Variants in SWAP70 observed in about 807,000 individuals in gnomAD.
SWAP70 encodes switch-associated protein 70.
SWAP70 carries 34 observed loss-of-function variants against 80.2 expected under a neutral mutation model. That is an observed-to-expected ratio of 0.42 (90% CI 0.32 to 0.56). The LOEUF (loss-of-function observed/expected upper bound fraction) is 0.56. SWAP70 is among the 20% of genes least tolerant of loss of function. The pLI is 0.09. For missense variants in SWAP70, 578 were observed against 690.7 expected (o/e 0.84, Z 1.83); for synonymous variants, 239 against 238.5 (o/e 1.00, Z -0.02).
rs997989567 is a variant in SWAP70, at chr11:9,749,254, T to A, written c.1651+71T>A. ...TTTTTATTTTATTTAATTAATTTATTTATTTTGAGATGGAGTCTCGCTCTG... is the reference window on the plus strand; with the variant it reads ...TTTTTATTTTATTTAATTAATTTATATATTTTGAGATGGAGTCTCGCTCTG... On this transcript the variant is annotated intron_variant, in intron 11 of 11. Coordinates refer to ENST00000318950, the MANE Select transcript of SWAP70 (RefSeq NM_015055.4). The A allele has an allele frequency of 1.1e-5, 10 of 876,678 alleles. No homozygotes were observed. In the East Asian group the frequency reaches 1.6e-4, roughly 14 times the overall value. 54.3% of individuals were successfully genotyped at this position (876,678 alleles called of 1,614,324 possible).
intron 1 of SWAP70, among the ~76,000 whole-genome samples, chr11:9,671,795 A>AT (rs1850411344): frequency 1.6e-5 from 1 of 61,532 alleles, no homozygotes; most frequent in African/African-American, 7.0e-5. Context: ...ATTATTTATA[A>AT]ATATATATAA....
chr11:9,686,848 G>A (rs900606192), intron 1 of SWAP70, among the ~76,000 whole-genome samples: 1 of 152,038 alleles, frequency 6.6e-6, no homozygotes, highest in African/African-American at 2.4e-5. Flanking sequence ...TGTACAATGC[G>A]TAGGTTACCT....
At chr11:9,744,152 C>G (rs1393593033) in intron 9 of SWAP70, among the ~76,000 whole-genome samples, 1 of 151,936 alleles carries the variant, frequency 6.6e-6, no homozygotes. Flanking sequence ...TTAGTAGAGA[C>G]GGGGTTTAAC....
chr11:9,722,869 A>G (rs1851157673), intron 3 of SWAP70, among the ~76,000 whole-genome samples: 1 of 152,240 alleles, frequency 6.6e-6, no homozygotes, highest in African/African-American at 2.4e-5. Flanking sequence ...GGGTTGTAAA[A>G]AAACAAAATC....
chr11:9,722,096 C>G (rs887983105), intron 3 of SWAP70, among the ~76,000 whole-genome samples: 2 of 152,176 alleles, frequency 1.3e-5, no homozygotes, highest in African/African-American at 2.4e-5. Context: ...TAGTATTTCA[C>G]TCAGTGCAGA....
intron 1 of SWAP70, among the ~76,000 whole-genome samples, chr11:9,674,417 A>C (rs900130354): frequency 3.3e-5 from 5 of 152,292 alleles, no homozygotes; most frequent in Non-Finnish European, 7.4e-5. Context: ...AACCCTTGGG[A>C]AGCTGGGTGC....
chr11:9,691,864 G>A (rs79017061), intron 1 of SWAP70, among the ~76,000 whole-genome samples: 2,558 of 152,238 alleles, frequency 0.017, 73 homozygotes, highest in African/African-American at 0.057. Context: ...GAGAGATGGT[G>A]TTTTTTGTTT....
chr11:9,678,927 C>T (rs1850534617), intron 1 of SWAP70, among the ~76,000 whole-genome samples: 1 of 152,088 alleles, frequency 6.6e-6, no homozygotes, highest in Non-Finnish European at 1.5e-5. Flanking sequence ...CTTTTTCTTC[C>T]CCAAGACTGC....
intron 1 of SWAP70, among the ~76,000 whole-genome samples, chr11:9,674,874 C>A (rs1422533592): frequency 2.6e-5 from 4 of 151,394 alleles, no homozygotes; most frequent in African/African-American, 7.3e-5. Flanking sequence ...GAGGCTGAGG[C>A]AGGAGAATGG....
At chr11:9,710,531 G>A (rs553243792) in intron 2 of SWAP70, among the ~76,000 whole-genome samples, 3 of 152,178 alleles carry the variant, frequency 2.0e-5, no homozygotes, top group Non-Finnish European at 4.4e-5. Flanking sequence ...GACAGCTGGT[G>A]ACTTTTTTCA....
chr11:9,715,570 T>TA (rs1456240263), intron 3 of SWAP70, among the ~76,000 whole-genome samples: 4 of 152,184 alleles, frequency 2.6e-5, no homozygotes, highest in African/African-American at 9.7e-5. Context: ...TTAATGAACT[T>TA]ACAGTTCCAC....
chr11:9,737,391 C>T lies in SWAP70; in HGVS notation c.1081-822C>T, dbSNP rs537746911. Among the ~76,000 whole-genome samples the T allele has an allele frequency of 2.0e-5, 3 of 152,278 alleles. 1 individual carries two copies. The highest frequency in any genetic ancestry group is 1.5e-5 in the Non-Finnish European group (1 of 68,012). On this transcript the variant is annotated intron_variant, in intron 7 of 11. Coordinates refer to ENST00000318950, the MANE Select transcript of SWAP70 (RefSeq NM_015055.4). ...TAGATTTTCTTAGATAAATGTTCTC[C>T]ATTTTAGAATGTCCTTAGCATAATT...
chr11:9,744,077 C>T (rs191177684), intron 9 of SWAP70, among the ~76,000 whole-genome samples: 8 of 152,140 alleles, frequency 5.3e-5, no homozygotes, highest in African/African-American at 1.9e-4. Flanking sequence ...ATTCTCCTGC[C>T]TCAGCCTCCT....
chr11:9,669,956 T>A (rs1286264171), intron 1 of SWAP70, among the ~76,000 whole-genome samples: 1 of 152,130 alleles, frequency 6.6e-6, no homozygotes, highest in Non-Finnish European at 1.5e-5. Context: ...GGCAAAACCC[T>A]GTCTCTACTA....
chr11:9,697,734 G>A (rs570329386), intron 2 of SWAP70, among the ~76,000 whole-genome samples: 1 of 152,212 alleles, frequency 6.6e-6, no homozygotes, highest in East Asian at 1.9e-4. Flanking sequence ...CTTTCTTTGT[G>A]TGTATGCACG....
At chr11:9,734,510 G>A (rs960709864) in intron 7 of SWAP70, among the ~76,000 whole-genome samples, 1 of 152,124 alleles carries the variant, frequency 6.6e-6, no homozygotes, top group African/African-American at 2.4e-5. Flanking sequence ...ACTGATTTAG[G>A]ATTCTTGGAT....
At chr11:9,678,935 TG>T (rs1330674195) in intron 1 of SWAP70, among the ~76,000 whole-genome samples, 1 of 152,164 alleles carries the variant, frequency 6.6e-6, no homozygotes, top group African/African-American at 2.4e-5. Flanking sequence ...TCCCCAAGAC[TG>T]CGTTTCATGA....
rs1851607238 is a variant in SWAP70, at chr11:9,752,738, T to C, written c.*2768T>C. The C allele has an allele frequency of 1.3e-5, 2 of 152,194 alleles. No individual in the cohort carries two copies. Among genetic ancestry groups the C allele is most frequent in the Non-Finnish European group, 2.9e-5 (2 of 68,034 alleles). 9.4% of individuals were successfully genotyped at this position (152,194 alleles called of 1,614,324 possible). A position where few individuals can be genotyped will look rare whatever the true frequency, so the allele number is the denominator to read the frequency against. On this transcript the variant is annotated 3_prime_UTR_variant, in exon 12 of 12. Coordinates refer to ENST00000318950, the MANE Select transcript of SWAP70 (RefSeq NM_015055.4). ...TATGATCATTTACAGGAATTATATA[T>C]GAAAAAAGTTTTTGAAATGTATTTT...
intron 1 of SWAP70, among the ~76,000 whole-genome samples, chr11:9,671,522 A>AG (rs1850389641): frequency 1.5e-5 from 1 of 66,880 alleles, no homozygotes; most frequent in Non-Finnish European, 2.9e-5. Context: ...ATATATATAT[A>AG]AATATATAAA....
Sources: allele counts gnomAD v4.1 joint callset (sites outside exome capture counted in the v4.1 genomes callset), GRCh38; gene constraint gnomAD v4.1.1; transcripts MANE v1.5; gene names NCBI Gene and HGNC (gene_info 2026-07-23, HGNC 2026-07-21).